ASIC2: variants seen among roughly 807,000 people sequenced by gnomAD.
ASIC2 encodes the protein acid sensing ion channel subunit 2.
In ASIC2, 25 loss-of-function variants were observed where a neutral mutation model predicts 57.3. That is an observed-to-expected ratio of 0.44 (90% CI 0.32 to 0.61). The LOEUF (loss-of-function observed/expected upper bound fraction) is 0.61, where lower values mean the gene tolerates loss of function less well. Ranked by LOEUF, ASIC2 falls within the 20% of genes least tolerant of loss-of-function variation. The pLI is 0.06. For missense variants in ASIC2, 641 were observed against 738.1 expected (o/e 0.87, Z 1.52); for synonymous variants, 319 against 307.5 (o/e 1.04, Z -0.39).
At chr17:33,546,989 C>T (rs976557461) in intron 1 of ASIC2, among the ~76,000 whole-genome samples, 2 of 152,140 alleles carry the variant, frequency 1.3e-5, no homozygotes, top group Non-Finnish European at 2.9e-5. Context: ...CAGATGACAA[C>T]TAGGACCTAG....
At chr17:33,502,129 A>C in intron 1 of ASIC2, among the ~76,000 whole-genome samples, 1 of 152,108 alleles carries the variant, frequency 6.6e-6, no homozygotes, top group African/African-American at 2.4e-5. Context: ...GGGGTTCCAA[A>C]GGGGATGGGC....
At chr17:33,532,025 T>C (rs1915067309) in intron 1 of ASIC2, among the ~76,000 whole-genome samples, 1 of 152,166 alleles carries the variant, frequency 6.6e-6, no homozygotes, top group Non-Finnish European at 1.5e-5. Flanking sequence ...AGGTCTTTTT[T>C]ATTGGCCATC....
At chr17:33,613,907 T>C (rs1406771941) in intron 1 of ASIC2, among the ~76,000 whole-genome samples, 2 of 152,176 alleles carry the variant, frequency 1.3e-5, no homozygotes, top group Non-Finnish European at 2.9e-5. Context: ...TGTTCGTTTA[T>C]TTTTCTACTA....
chr17:33,211,560 T>C (rs555156816), intron 1 of ASIC2, among the ~76,000 whole-genome samples: 1 of 145,994 alleles, frequency 6.8e-6, no homozygotes, highest in East Asian at 2.0e-4. Context: ...AAAATCAAAG[T>C]GAAGATCTGA....
In ASIC2 at chr17:33,198,452, G is replaced by A. The variant is rs550798362; in HGVS notation, c.709-86385C>T. 2.0e-5 allele frequency among the ~76,000 whole-genome samples: 3 copies of A among 152,332 alleles called. No individual in the cohort carries two copies. The South Asian group carries it at 6.2e-4, about 32-fold the overall frequency. On this transcript the variant is annotated intron_variant, in intron 1 of 9. Transcript: ENST00000225823. Reference sequence around the variant, plus strand: ...CTATGCTCAATTCAGTAGGGCATTAGCTGTTGTTATTTTTCTGTCACTCAG... The same window carrying A: ...CTATGCTCAATTCAGTAGGGCATTAACTGTTGTTATTTTTCTGTCACTCAG...
At chr17:33,660,220 A>G (rs1050899834) in intron 1 of ASIC2, among the ~76,000 whole-genome samples, 4 of 152,118 alleles carry the variant, frequency 2.6e-5, no homozygotes, top group African/African-American at 9.7e-5. Flanking sequence ...ATTCCTGTAC[A>G]CTCTTGTAGA....
chr17:33,050,372 C>T (rs2091970521), intron 3 of ASIC2, among the ~76,000 whole-genome samples: 1 of 152,150 alleles, frequency 6.6e-6, no homozygotes, highest in Admixed American at 6.5e-5. Context: ...GATCAGTCAG[C>T]CTCAGTATCA....
At chr17:33,849,755 C>T (rs1706014339) in intron 1 of ASIC2, among the ~76,000 whole-genome samples, 1 of 152,148 alleles carries the variant, frequency 6.6e-6, no homozygotes, top group African/African-American at 2.4e-5. Flanking sequence ...AAGCAGGACT[C>T]AGGCATGGAA....
intron 1 of ASIC2, among the ~76,000 whole-genome samples, chr17:34,137,433 AT>A (rs1312862467): frequency 4.6e-5 from 7 of 152,340 alleles, no homozygotes; most frequent in Admixed American, 6.5e-5. Context: ...TCCACATTCC[AT>A]GTTAATTCTC....
At chr17:33,722,848 C>T (rs1006472117) in intron 1 of ASIC2, among the ~76,000 whole-genome samples, 3 of 152,202 alleles carry the variant, frequency 2.0e-5, no homozygotes, top group Non-Finnish European at 2.9e-5. Context: ...TACTACTCCT[C>T]AGGAAAGTAA....
Position 33,947,328 on chromosome 17 carries a change from T to C in ASIC2, c.555+208650A>G, listed in dbSNP as rs78397155. On this transcript the variant is annotated intron_variant, in intron 1 of 9. Transcript: ENST00000359872. ...CTCCAGGAAAAGGAGTACAGCTCCA[T>C]TGGCGTTTCGCTCTAATTACTGCTC... Among the ~76,000 whole-genome samples the C allele has an allele frequency of 5.3e-3, 807 of 152,290 alleles. 4 individuals carry two copies. Among genetic ancestry groups the C allele is most frequent in the African/African-American group, 0.016 (666 of 41,550 alleles).
intron 1 of ASIC2, chr17:33,692,145 T>G (rs894258373): frequency 2.6e-5 from 4 of 152,138 alleles, no homozygotes; most frequent in African/African-American, 9.7e-5. Flanking sequence ...TACACCATAT[T>G]CTATAGTTAG....
chr17:33,047,538 C>A (rs565321047), intron 3 of ASIC2, among the ~76,000 whole-genome samples: 1 of 152,308 alleles, frequency 6.6e-6, no homozygotes, highest in African/African-American at 2.4e-5. Context: ...CAGGGTCTCA[C>A]TATGTTGCTC....
intron 1 of ASIC2, among the ~76,000 whole-genome samples, chr17:33,704,681 A>G (rs1290458316): frequency 1.3e-5 from 2 of 152,200 alleles, no homozygotes; most frequent in Non-Finnish European, 2.9e-5. Context: ...AAAGACTAGG[A>G]TCAGGAGTCA....
chr17:33,802,175 C>T (rs538652992), intron 1 of ASIC2, among the ~76,000 whole-genome samples: 3 of 152,276 alleles, frequency 2.0e-5, no homozygotes, highest in African/African-American at 7.2e-5. Context: ...TGTACCTTTT[C>T]TATGTTTAGA....
chr17:33,052,933 T>C (rs2091983103), intron 3 of ASIC2: 1 of 152,066 alleles, frequency 6.6e-6, no homozygotes, highest in South Asian at 2.1e-4. Flanking sequence ...TGCTCTCTCT[T>C]TTACCAGTTG....
intron 3 of ASIC2, among the ~76,000 whole-genome samples, chr17:33,083,001 A>T (rs990411001): frequency 6.6e-6 from 1 of 152,178 alleles, no homozygotes; most frequent in African/African-American, 2.4e-5. Flanking sequence ...AGCTTGTCTA[A>T]GCCAGAAACG....
At chr17:33,372,232 G>T (rs117451268) in intron 1 of ASIC2, among the ~76,000 whole-genome samples, 2 of 152,028 alleles carry the variant, frequency 1.3e-5, no homozygotes, top group East Asian at 3.9e-4. Context: ...CAATCAGAAG[G>T]CATACAGATG....
chr17:33,038,286 T>A (rs2091917187), intron 3 of ASIC2, among the ~76,000 whole-genome samples: 1 of 152,250 alleles, frequency 6.6e-6, no homozygotes, highest in African/African-American at 2.4e-5. Context: ...TAGCTCCACC[T>A]TGGCTCTCTT....
Sources: allele counts gnomAD v4.1 joint callset (sites outside exome capture counted in the v4.1 genomes callset), GRCh38; gene constraint gnomAD v4.1.1; transcripts MANE v1.5; gene names NCBI Gene and HGNC (gene_info 2026-07-23, HGNC 2026-07-21).